Variants in AUTS2 observed in about 807,000 individuals in gnomAD.
AUTS2 encodes the protein autism susceptibility gene 2 protein.
A neutral mutation model predicts 112.4 loss-of-function variants in AUTS2; 17 were observed. That is an observed-to-expected ratio of 0.15 (90% CI 0.10 to 0.23). The LOEUF (loss-of-function observed/expected upper bound fraction) is 0.23. Among genes scored for constraint, AUTS2 ranks in the 10% least tolerant of loss-of-function variants. The pLI is 1.00. For synonymous variants in AUTS2, 751 were observed against 702.7 expected (o/e 1.07, Z -1.09); for missense variants, 1,510 against 1,701.6 (o/e 0.89, Z 1.98).
intron 1 of AUTS2, among the ~76,000 whole-genome samples, chr7:69,790,851 A>G (rs1430123273): frequency 1.3e-5 from 2 of 152,220 alleles, no homozygotes; most frequent in Non-Finnish European, 2.9e-5. Flanking sequence ...TTGCTAATCT[A>G]AATTCTTCAT....
At position 70,605,480 on chromosome 7, in the gene AUTS2, A is replaced by C. The variant is rs78731082; in HGVS notation, c.691-93089A>C. Among the ~76,000 whole-genome samples the C allele has an allele frequency of 9.8e-4, 148 of 150,924 alleles. 1 individual carries two copies. In the East Asian group the frequency reaches 0.025, roughly 25 times the overall value. ...CTACCAGGTACTCCTGGTACTAAATACTATAAGTAGCAGTTCATTTGTTTT... is the reference window on the plus strand; with the variant it reads ...CTACCAGGTACTCCTGGTACTAAATCCTATAAGTAGCAGTTCATTTGTTTT... On this transcript the variant is annotated intron_variant, in intron 5 of 18. Transcript: ENST00000342771.
At chr7:70,203,344 T>TTA (rs1453777184) in intron 4 of AUTS2, among the ~76,000 whole-genome samples, 14 of 110,572 alleles carry the variant, frequency 1.3e-4, no homozygotes, top group Middle Eastern at 5.4e-3. Context: ...TAGAGTATAA[T>TTA]AAAAAAAAAA....
chr7:70,081,661 G>T (rs552176087), intron 2 of AUTS2, among the ~76,000 whole-genome samples: 2 of 152,278 alleles, frequency 1.3e-5, no homozygotes, highest in African/African-American at 4.8e-5. Flanking sequence ...TTTTGTGTGA[G>T]ATTTTTGGTT....
intron 5 of AUTS2, among the ~76,000 whole-genome samples, chr7:70,528,005 G>T (rs1799915497): frequency 1.3e-5 from 2 of 150,490 alleles, no homozygotes; most frequent in African/African-American, 2.4e-5. Flanking sequence ...AGCTATTCTT[G>T]TTCAAAGCCT....
rs932611904 is a variant in AUTS2, at chr7:70,171,691, G to C, written c.660+37120G>C. 6.4e-4 allele frequency among the ~76,000 whole-genome samples: 98 copies of C among 152,216 alleles called. 2 individuals are homozygous for C. Among genetic ancestry groups the C allele is most frequent in the African/African-American group, 2.1e-3 (87 of 41,448 alleles). On this transcript the variant is annotated intron_variant, in intron 4 of 18. Transcript: ENST00000342771. Reference sequence around the variant, plus strand: ...GTGAAAAGCAGACAGAAAGGTATGAGTTCATGAGCAGAGAAATAACATTTT... The same window carrying C: ...GTGAAAAGCAGACAGAAAGGTATGACTTCATGAGCAGAGAAATAACATTTT...
chr7:70,433,724 C>G (rs943474298), intron 4 of AUTS2, among the ~76,000 whole-genome samples: 1 of 152,100 alleles, frequency 6.6e-6, no homozygotes, highest in African/African-American at 2.4e-5. Flanking sequence ...CACTGAGGAG[C>G]CAATGGGAGA....
chr7:70,368,051 C>T (rs770841427), intron 4 of AUTS2, among the ~76,000 whole-genome samples: 1 of 152,008 alleles, frequency 6.6e-6, no homozygotes, highest in East Asian at 1.9e-4. Context: ...GCTAGGGATA[C>T]CTGTATGTCT....
At chr7:70,026,664 A>C (rs1800537720) in intron 2 of AUTS2, among the ~76,000 whole-genome samples, 2 of 152,172 alleles carry the variant, frequency 1.3e-5, no homozygotes, top group Admixed American at 6.5e-5. Context: ...GACTGTGTGA[A>C]TCTTTGAGGA....
chr7:70,785,410 C>T (rs1020371164), intron 16 of AUTS2: 3 of 491,358 alleles, frequency 6.1e-6, no homozygotes, highest in South Asian at 3.1e-5. Flanking sequence ...CACAAGCTGA[C>T]GTTATGGAGA....
intron 1 of AUTS2, among the ~76,000 whole-genome samples, chr7:69,825,420 T>A (rs1229335426): frequency 2.6e-5 from 4 of 152,206 alleles, no homozygotes; most frequent in Non-Finnish European, 5.9e-5. Flanking sequence ...TGAGAGGCTC[T>A]CCTCCGAAAG....
rs575761682 is a variant in AUTS2, at chr7:69,874,656, A to AT, written c.310-24620dup. On this transcript the variant is annotated intron_variant, in intron 1 of 18. Coordinates refer to ENST00000342771, the MANE Select transcript of AUTS2 (RefSeq NM_015570.4). The stretch of plus-strand genomic sequence containing the variant: ...GGTGTCAGCCCCAGGCATTGCATCT[A>AT]TTTTTTTTTTCCAAGTTGTGGAGAC... Among the ~76,000 whole-genome samples, 236 of 149,444 alleles carry AT rather than the reference A, an allele frequency of 1.6e-3. 1 individual carries two copies. The highest frequency in any genetic ancestry group is 4.8e-3 in the African/African-American group (194 of 40,748).
intron 1 of AUTS2, among the ~76,000 whole-genome samples, chr7:69,886,584 G>A (rs1794281519): frequency 6.6e-6 from 1 of 152,078 alleles, no homozygotes; most frequent in Admixed American, 6.6e-5. Context: ...TCTGCTGAGT[G>A]GACAGAATGT....
intron 2 of AUTS2, among the ~76,000 whole-genome samples, chr7:69,958,611 C>T (rs1040250876): frequency 1.3e-5 from 2 of 152,120 alleles, no homozygotes; most frequent in Non-Finnish European, 2.9e-5. Context: ...GAGACTGACA[C>T]TGTGTGGCCT....
At chr7:70,351,637 C>T (rs1686463148) in intron 4 of AUTS2, among the ~76,000 whole-genome samples, 1 of 152,186 alleles carries the variant, frequency 6.6e-6, no homozygotes, top group Non-Finnish European at 1.5e-5. Context: ...TTCCTCCTAA[C>T]AGTATACAAG....
At chr7:70,084,773 C>T (rs557470969) in intron 2 of AUTS2, among the ~76,000 whole-genome samples, 9 of 152,044 alleles carry the variant, frequency 5.9e-5, no homozygotes, top group Non-Finnish European at 1.2e-4. Context: ...AGACCTTTAT[C>T]GGATATATGG....
intron 2 of AUTS2, among the ~76,000 whole-genome samples, chr7:69,946,939 C>G (rs1296047743): frequency 6.6e-6 from 1 of 152,132 alleles, no homozygotes; most frequent in Non-Finnish European, 1.5e-5. Context: ...TTGAGTAGAC[C>G]ATCTGTCTGC....
chr7:70,305,725 A>G (rs1168661210), intron 4 of AUTS2, among the ~76,000 whole-genome samples: 1 of 152,252 alleles, frequency 6.6e-6, no homozygotes, highest in Non-Finnish European at 1.5e-5. Flanking sequence ...ATCAACAGGA[A>G]AGATAGACTT....
intron 4 of AUTS2, among the ~76,000 whole-genome samples, chr7:70,364,330 A>G (rs1792454592): frequency 6.6e-6 from 1 of 152,028 alleles, no homozygotes; most frequent in African/African-American, 2.4e-5. Context: ...TTGGGAGGCC[A>G]AGATGGGCAG....
intron 2 of AUTS2, among the ~76,000 whole-genome samples, chr7:69,978,598 G>A (rs1445598733): frequency 6.6e-6 from 1 of 152,060 alleles, no homozygotes; most frequent in Middle Eastern, 3.2e-3. Flanking sequence ...CAGCACTTTG[G>A]GAGGCCAAGG....
Sources: gnomAD v4.1 joint callset for allele counts (sites outside exome capture counted in the v4.1 genomes callset) on GRCh38, gnomAD v4.1.1 for gene constraint, MANE v1.5 for transcripts, NCBI Gene and HGNC (gene_info 2026-07-23, HGNC 2026-07-21) for gene names.